Variants in CDH11 observed in about 807,000 individuals in gnomAD.
CDH11 encodes the protein cadherin 11.
Under a neutral mutation model 67.8 loss-of-function variants are expected in CDH11, and 11 were observed. The observed-to-expected ratio is 0.16, with a 90% CI of 0.10 to 0.27. The LOEUF (loss-of-function observed/expected upper bound fraction) is 0.27. CDH11 is among the 10% of genes least tolerant of loss of function. CDH11 has a pLI of 1.00. For missense variants in CDH11, 847 were observed against 1,031.2 expected (o/e 0.82, Z 2.45); for synonymous variants, 419 against 400.0 (o/e 1.05, Z -0.57).
intron 8 of CDH11, among the ~76,000 whole-genome samples, chr16:64,978,627 G>T (rs1352429213): frequency 1.3e-5 from 2 of 152,130 alleles, no homozygotes; most frequent in Non-Finnish European, 2.9e-5. Flanking sequence ...AACAATCCTG[G>T]TTTCTATGAC....
intron 1 of CDH11, among the ~76,000 whole-genome samples, chr16:65,110,519 G>A (rs1271438049): frequency 6.6e-6 from 1 of 152,030 alleles, no homozygotes; most frequent in Non-Finnish European, 1.5e-5. Flanking sequence ...TGTCCCCGCT[G>A]GACATGGGTG....
In CDH11 at chr16:64,972,063, G is replaced by A. The variant is rs745658550; in HGVS notation, c.1392C>T (p.His464=). The A allele has an allele frequency of 6.2e-7, 1 of 1,613,432 alleles. No homozygotes were observed. Among genetic ancestry groups the A allele is most frequent in the Non-Finnish European group, 8.5e-7 (1 of 1,179,448 alleles). ...GGACTTTGGCTTCCTGATGCCGATT[G>A]TCTGGGAAGACAGAATGCAGACAGT... ...LNITVFAAEI[H]NRHQEAKVPV... Residue 464 remains histidine, a splice_region_variant and synonymous_variant, in exon 10 of 13, where the codon CAC becomes CAT. Transcript: ENST00000268603.
chr16:64,947,428 T>C lies in CDH11; in HGVS notation c.*175A>G. 7.2e-7 allele frequency: 1 copy of C among 1,385,764 alleles called. No individual in the cohort carries two copies. Among genetic ancestry groups the C allele is most frequent in the Non-Finnish European group, 9.3e-7 (1 of 1,070,526 alleles). 85.8% of individuals were successfully genotyped at this position (1,385,764 alleles called of 1,614,324 possible). A position where few individuals can be genotyped will look rare whatever the true frequency, so the allele number is the denominator to read the frequency against. Reference sequence around the variant, plus strand: ...TTGCCTTTTTGTGAGAAAAGGTATTTCACAGTATTTACCACTTTGATGTCC... The same window carrying C: ...TTGCCTTTTTGTGAGAAAAGGTATTCCACAGTATTTACCACTTTGATGTCC... On this transcript the variant is annotated 3_prime_UTR_variant, in exon 13 of 13. Transcript: ENST00000268603.
intron 1 of CDH11, among the ~76,000 whole-genome samples, chr16:65,099,682 GC>G (rs369677924): frequency 9.2e-5 from 14 of 152,258 alleles, no homozygotes; most frequent in African/African-American, 3.1e-4. Context: ...ATGGAGATGT[GC>G]CCATGTAAAT....
chr16:64,948,778 C>T (rs183674660), intron 12 of CDH11: 130 of 1,596,374 alleles, frequency 8.1e-5, no homozygotes, highest in Admixed American at 6.3e-4. Flanking sequence ...TTCCATTAAG[C>T]TTGGGCAACC....
chr16:64,948,300 C>A (rs1213324844), intron 12 of CDH11, among the ~76,000 whole-genome samples: 1 of 152,130 alleles, frequency 6.6e-6, no homozygotes, highest in African/African-American at 2.4e-5. Context: ...CAAATGCTGC[C>A]ATGAAAACAT....
chr16:64,988,945 C>A (rs1733757345), intron 6 of CDH11, among the ~76,000 whole-genome samples: 1 of 151,970 alleles, frequency 6.6e-6, no homozygotes, highest in African/African-American at 2.4e-5. Context: ...GCAGTGTGAC[C>A]CTCCTATATA....
intron 2 of CDH11, among the ~76,000 whole-genome samples, chr16:65,049,406 C>G (rs1353697198): frequency 6.6e-6 from 1 of 151,988 alleles, no homozygotes; most frequent in Non-Finnish European, 1.5e-5. Context: ...ATCGGTGGTC[C>G]TCAGCAAGTT....
chr16:65,058,101 T>C (rs978690744), intron 1 of CDH11, among the ~76,000 whole-genome samples: 8 of 152,098 alleles, frequency 5.3e-5, no homozygotes, highest in East Asian at 1.9e-4. Flanking sequence ...CAGGTGCCTG[T>C]AGTCCCAGCT....
At chr16:64,956,940 G>A (rs1262547690) in intron 11 of CDH11, among the ~76,000 whole-genome samples, 1 of 152,046 alleles carries the variant, frequency 6.6e-6, no homozygotes, top group Non-Finnish European at 1.5e-5. Context: ...TTGATAGATA[G>A]ACTGCACTTG....
chr16:64,970,422 G>A (rs373402046), intron 11 of CDH11, among the ~76,000 whole-genome samples: 12 of 152,250 alleles, frequency 7.9e-5, no homozygotes, highest in East Asian at 3.9e-4. Context: ...AAACCCAGCC[G>A]TAACTTTTAT....
At chr16:65,106,454 G>A (rs770110556) in intron 1 of CDH11, among the ~76,000 whole-genome samples, 1 of 152,166 alleles carries the variant, frequency 6.6e-6, no homozygotes, top group Non-Finnish European at 1.5e-5. Context: ...CTGCCTTAGA[G>A]TGCCAAATTT....
intron 2 of CDH11, among the ~76,000 whole-genome samples, chr16:65,021,418 C>A (rs1029474865): frequency 1.3e-5 from 2 of 152,040 alleles, no homozygotes; most frequent in Non-Finnish European, 2.9e-5. Context: ...TACCTTACAT[C>A]CTCTCATATG....
intron 1 of CDH11, among the ~76,000 whole-genome samples, chr16:65,092,145 A>T (rs2074802612): frequency 6.6e-6 from 1 of 152,172 alleles, no homozygotes; most frequent in Non-Finnish European, 1.5e-5. Context: ...CTCATCACTT[A>T]TCTCCATCCT....
At chr16:65,108,830 G>T (rs549113923) in intron 1 of CDH11, among the ~76,000 whole-genome samples, 1 of 152,112 alleles carries the variant, frequency 6.6e-6, no homozygotes, top group Non-Finnish European at 1.5e-5. Context: ...CGTTCATAGT[G>T]ACCAGGCAGG....
chr16:65,026,608 T>C (rs2142599689), intron 2 of CDH11, among the ~76,000 whole-genome samples: 1 of 152,244 alleles, frequency 6.6e-6, no homozygotes, highest in Non-Finnish European at 1.5e-5. Flanking sequence ...CTCAAGGAAT[T>C]CCAAGGTTCC....
Position 65,093,619 on chromosome 16 carries a change from G to A in CDH11, c.-298+28261C>T, listed in dbSNP as rs189056666. ...TGTATACAGGTACAAATATACACAC[G>A]CGTACACAGCAGTTATTTTAGCAAG... On this transcript the variant is annotated intron_variant, in intron 1 of 12. Transcript: ENST00000268603. Among the ~76,000 whole-genome samples the A allele has an allele frequency of 1.4e-3, 216 of 152,154 alleles. 1 individual carries two copies. The highest frequency in any genetic ancestry group is 0.014 in the Middle Eastern group (4 of 294).
At chr16:64,969,856 G>A (rs1030636055) in intron 11 of CDH11, among the ~76,000 whole-genome samples, 1 of 152,114 alleles carries the variant, frequency 6.6e-6, no homozygotes. Flanking sequence ...ATGAATTCCT[G>A]TATTACATAT....
At chr16:64,948,238 C>T in intron 12 of CDH11, 139 bp from the exon 13 acceptor site, 3 of 1,126,672 alleles carry the variant, frequency 2.7e-6, no homozygotes, top group East Asian at 2.5e-5. Context: ...GAGAGCTTTG[C>T]CTGGAATCCC....
Sources: allele counts gnomAD v4.1 joint callset (sites outside exome capture counted in the v4.1 genomes callset), GRCh38; gene constraint gnomAD v4.1.1; transcripts MANE v1.5; gene names NCBI Gene and HGNC (gene_info 2026-07-23, HGNC 2026-07-21).